GRAMD1B: variants seen among roughly 807,000 people sequenced by gnomAD.
The protein encoded by GRAMD1B is protein Aster-B.
GRAMD1B carries 37 observed loss-of-function variants against 99.7 expected under a neutral mutation model. That is an observed-to-expected ratio of 0.37 (90% CI 0.29 to 0.49). The LOEUF is 0.49. GRAMD1B is among the 20% of genes least tolerant of loss of function. The pLI is 0.98. For synonymous variants in GRAMD1B, 427 were observed against 387.6 expected, an observed-to-expected ratio of 1.10 and a Z score of -1.19; for missense variants, 888 against 1,009.2, an observed-to-expected ratio of 0.88 and a Z score of 1.63.
At chr11:123,417,144 A>G (rs557288749) in intron 1 of GRAMD1B, among the ~76,000 whole-genome samples, 2 of 152,286 alleles carry the variant, frequency 1.3e-5, no homozygotes, top group African/African-American at 2.4e-5. Flanking sequence ...GGAGGCCGAG[A>G]TGGGCGGACC....
At chr11:123,551,887 C>T (rs942688479) in intron 2 of GRAMD1B, among the ~76,000 whole-genome samples, 1 of 152,154 alleles carries the variant, frequency 6.6e-6, no homozygotes, top group African/African-American at 2.4e-5. Flanking sequence ...CAATTTTTCG[C>T]TTTCATTTCC....
chr11:123,476,472 A>C (rs1007640835), intron 1 of GRAMD1B, among the ~76,000 whole-genome samples: 3 of 152,178 alleles, frequency 2.0e-5, no homozygotes, highest in African/African-American at 7.2e-5. Flanking sequence ...GCCTCTGCCG[A>C]GGGTACTGGA....
In GRAMD1B at chr11:123,625,984, G is replaced by A. The variant is rs1171413383; in HGVS notation, c.*3389G>A. 6.7e-6 allele frequency: 1 copy of A among 148,912 alleles called. No individual in the cohort carries two copies. The highest frequency in any genetic ancestry group is 2.5e-5 in the African/African-American group (1 of 40,368). The allele number at this position is 148,912 out of a possible 1,614,324, so 9.2% of individuals were successfully genotyped here. A position where few individuals can be genotyped will look rare whatever the true frequency, so the allele number is the denominator to read the frequency against. On this transcript the variant is annotated 3_prime_UTR_variant, in exon 20 of 20. Transcript: ENST00000635736. ...AGAGAGAGAGAGAGAGAGAGAGATC[G>A]AGCTTGATGTATTGCTCAGTATTCA...
intron 1 of GRAMD1B, among the ~76,000 whole-genome samples, chr11:123,419,698 AGTGTGTGT>A (rs3222403): frequency 0.12 from 16,082 of 133,888 alleles, 1,039 homozygotes; most frequent in East Asian, 0.26. Flanking sequence ...GGAATTTCTA[AGTGTGTGT>A]GTGTGTGTGT....
chr11:123,418,362 G>A (rs950115733), intron 1 of GRAMD1B, among the ~76,000 whole-genome samples: 1 of 152,170 alleles, frequency 6.6e-6, no homozygotes, highest in Non-Finnish European at 1.5e-5. Flanking sequence ...TCTCTCAGGG[G>A]TGGTTAAGCT....
At chr11:123,375,848 G>A (rs1393408387) in intron 1 of GRAMD1B, among the ~76,000 whole-genome samples, 6 of 152,174 alleles carry the variant, frequency 3.9e-5, no homozygotes, top group Admixed American at 2.0e-4. Context: ...AGAAGTTTTC[G>A]TGTACTCATC....
chr11:123,400,249 G>C (rs1188684285), intron 1 of GRAMD1B, among the ~76,000 whole-genome samples: 1 of 152,122 alleles, frequency 6.6e-6, no homozygotes, highest in East Asian at 1.9e-4. Flanking sequence ...GGCCGAGGCA[G>C]GCAGATCACC....
chr11:123,495,294 A>G (rs1037366038), intron 2 of GRAMD1B, among the ~76,000 whole-genome samples: 4 of 152,154 alleles, frequency 2.6e-5, no homozygotes, highest in African/African-American at 4.8e-5. Context: ...AAAAAATTCC[A>G]TGGATACATA....
Position 123,435,391 on chromosome 11 carries a change from ATTTGTTTG to A in GRAMD1B, c.374+4237_374+4244del, listed in dbSNP as rs200829805. 5.7e-6 allele frequency: 4 copies of A among 698,356 alleles called. No individual in the cohort carries two copies. In the Admixed American group the frequency reaches 6.1e-5, roughly 11 times the overall value. The allele number at this position is 698,356 out of a possible 1,614,324, so 43.3% of individuals were successfully genotyped here. On this transcript the variant is annotated intron_variant, in intron 1 of 19. Coordinates refer to ENST00000635736, the MANE Select transcript of GRAMD1B (RefSeq NM_001387025.1). ...TTGTTTTTTCATTATTTGTTTCATT[ATTTGTTTG>A]TTTGTTTGTTTTTTTACTTGTCACT...
chr11:123,370,140 C>T (rs879703310), intron 1 of GRAMD1B, among the ~76,000 whole-genome samples: 1 of 151,458 alleles, frequency 6.6e-6, no homozygotes, highest in Non-Finnish European at 1.5e-5. Flanking sequence ...CATGGTGAAA[C>T]CCTGTCTCTA....
chr11:123,569,293 C>G (rs73027990), intron 2 of GRAMD1B, among the ~76,000 whole-genome samples: 16,174 of 152,048 alleles, frequency 0.11, 1,063 homozygotes, highest in East Asian at 0.19. Context: ...GTGAAGCAAG[C>G]CTTACCAGGT....
At chr11:123,526,076 A>G (rs377591810) in intron 2 of GRAMD1B, 30 of 1,314,380 alleles carry the variant, frequency 2.3e-5, no homozygotes, top group Admixed American at 3.5e-5. Flanking sequence ...ATCTTTTCCA[A>G]TATGTCCTGG....
chr11:123,553,728 G>A (rs541521618), intron 2 of GRAMD1B, among the ~76,000 whole-genome samples: 2 of 152,300 alleles, frequency 1.3e-5, no homozygotes, highest in South Asian at 4.1e-4. Flanking sequence ...GGGGAACTCG[G>A]AGAGGACAGA....
In GRAMD1B at chr11:123,492,895, C is replaced by CACACACAT. The variant is rs1555043308; in HGVS notation, c.452+12002_452+12003insACACACAT. 4.9e-3 allele frequency among the ~76,000 whole-genome samples: 738 copies of CACACACAT among 151,710 alleles called. 5 individuals are homozygous for CACACACAT. The highest frequency in any genetic ancestry group is 8.6e-3 in the Admixed American group (131 of 15,216). On this transcript the variant is annotated intron_variant, in intron 2 of 19. Coordinates refer to ENST00000635736, the MANE Select transcript of GRAMD1B (RefSeq NM_001387025.1). This position sits in a 1 kb window ranked among gnomAD's most constrained non-coding sequence, Gnocchi z 4.2. ...ACACACACACACACACACACACACA[C>CACACACAT]GCATAGGCATAGATGCCTGTGATTG...
At chr11:123,578,735 G>A (rs1949016331) in intron 3 of GRAMD1B, among the ~76,000 whole-genome samples, 2 of 152,140 alleles carry the variant, frequency 1.3e-5, no homozygotes, top group South Asian at 2.1e-4. Flanking sequence ...TGGTGCGGTC[G>A]AGAAACAGAG....
chr11:123,431,437 C>T (rs1470661402), intron 1 of GRAMD1B, among the ~76,000 whole-genome samples: 1 of 152,256 alleles, frequency 6.6e-6, no homozygotes, highest in Non-Finnish European at 1.5e-5. Flanking sequence ...TTGATCCTCG[C>T]AGCGAAATAA....
intron 2 of GRAMD1B, among the ~76,000 whole-genome samples, chr11:123,564,393 C>T (rs1193047293): frequency 2.0e-5 from 3 of 152,208 alleles, no homozygotes; most frequent in African/African-American, 4.8e-5. Context: ...GGGGGTTAGA[C>T]AGCATCCACT....
chr11:123,558,957 G>A (rs1315754525), intron 2 of GRAMD1B, among the ~76,000 whole-genome samples: 2 of 152,206 alleles, frequency 1.3e-5, no homozygotes, highest in Admixed American at 6.5e-5. Flanking sequence ...GCATGAGTTC[G>A]AGCAGGATGC....
At chr11:123,379,013 C>G (rs1444294124) in intron 1 of GRAMD1B, among the ~76,000 whole-genome samples, 1 of 151,942 alleles carries the variant, frequency 6.6e-6, no homozygotes, top group East Asian at 1.9e-4. Context: ...TGGAGTTGTA[C>G]AGTGTCAGTC....
Sources: gnomAD v4.1 joint callset for allele counts (sites outside exome capture counted in the v4.1 genomes callset) on GRCh38, gnomAD v4.1.1 for gene constraint, Gnocchi (gnomAD v3.1) non-coding constraint, MANE v1.5 for transcripts, NCBI Gene and HGNC (gene_info 2026-07-23, HGNC 2026-07-21) for gene names.